Variants in WIPF3 observed in about 807,000 individuals in gnomAD.
The protein encoded by WIPF3 is WAS/WASL-interacting protein family member 3.
In WIPF3, 33 loss-of-function variants were observed where a neutral mutation model predicts 38.9. That is an observed-to-expected ratio of 0.85 (90% CI 0.64 to 1.14). The LOEUF (loss-of-function observed/expected upper bound fraction) is 1.14. Among genes scored for constraint, WIPF3 ranks in the 50% most tolerant of loss-of-function variants. WIPF3 has a pLI of 0.00. For synonymous variants in WIPF3, 324 were observed against 269.3 expected (o/e 1.20, Z -1.99); for missense variants, 711 against 652.5 (o/e 1.09, Z -0.98).
Position 29,879,065 on chromosome 7 carries a change from A to G in WIPF3, c.280A>G (p.Thr94Ala), listed in dbSNP as rs370263957. The G allele has an allele frequency of 1.2e-6, 2 of 1,610,068 alleles. No individual in the cohort carries two copies. The highest frequency in any genetic ancestry group is 2.7e-5 in the African/African-American group (2 of 74,902). ...GGSANTRGAS[T>A]PPTLGDLFAG... The stretch of plus-strand genomic sequence containing the variant: ...TTCTGCAAACACACGAGGCGCGAGC[A>G]CACCTCCCACCCTGGGAGATCTGTT... The change falls in exon 4 of 9, where the codon ACA (threonine) becomes GCA (alanine). Residue 94 changes from threonine to alanine, a missense_variant. Transcript: ENST00000242140.
At chr7:29,901,825 CAAAAAAA>C (rs869296187) in intron 7 of WIPF3, among the ~76,000 whole-genome samples, 1,194 of 82,500 alleles carry the variant, frequency 0.014, 16 homozygotes, top group East Asian at 0.065. Flanking sequence ...GTCCCTGTCT[CAAAAAAA>C]AAAAAAAAAA....
chr7:29,838,363 C>T (rs897535546), intron 2 of WIPF3, among the ~76,000 whole-genome samples: 2 of 152,138 alleles, frequency 1.3e-5, no homozygotes, highest in African/African-American at 4.8e-5. Context: ...ATTTTCTTGA[C>T]ATGGCTTCAC....
chr7:29,812,736 G>A (rs1341430913), intron 1 of WIPF3, among the ~76,000 whole-genome samples: 1 of 152,304 alleles, frequency 6.6e-6, no homozygotes. Flanking sequence ...CTGTGAGGAA[G>A]AAGAGGGAAT....
chr7:29,823,951 C>T lies in WIPF3; in HGVS notation c.-57-10717C>T, dbSNP rs1005219149. On this transcript the variant is annotated intron_variant, in intron 1 of 8. Coordinates refer to ENST00000242140, the MANE Select transcript of WIPF3 (RefSeq NM_001080529.3). This position sits in a 1 kb window ranked among gnomAD's most constrained non-coding sequence, Gnocchi z 4.0. The stretch of plus-strand genomic sequence containing the variant: ...CCTGCAGAACTGTGAGCCAATTAAA[C>T]CTCTTTTATTTATAAATTTCTCAGT... Among the ~76,000 whole-genome samples, 1 of 152,198 alleles carries T rather than the reference C, an allele frequency of 6.6e-6. No homozygotes were observed. Among genetic ancestry groups the T allele is most frequent in the African/African-American group, 2.4e-5 (1 of 41,430 alleles).
Position 29,823,540 on chromosome 7 carries a change from T to C in WIPF3, c.-57-11128T>C, listed in dbSNP as rs1054499544. Among the ~76,000 whole-genome samples the C allele has an allele frequency of 2.0e-5, 3 of 152,248 alleles. No homozygotes were observed. The highest frequency in any genetic ancestry group is 7.2e-5 in the African/African-American group (3 of 41,466). ...CCCAGTGTTCTGCTAACAAGGTTTGTCTCCATCTTTTGCGGGAGCCTGATT... is the reference window on the plus strand; with the variant it reads ...CCCAGTGTTCTGCTAACAAGGTTTGCCTCCATCTTTTGCGGGAGCCTGATT... On this transcript the variant is annotated intron_variant, in intron 1 of 8. Coordinates refer to ENST00000242140, the MANE Select transcript of WIPF3 (RefSeq NM_001080529.3). The surrounding 1 kb of genome is among the most constrained non-coding windows in gnomAD (Gnocchi z 4.0).
chr7:29,822,660 C>G (rs1784558300), intron 1 of WIPF3, among the ~76,000 whole-genome samples: 1 of 152,182 alleles, frequency 6.6e-6, no homozygotes, highest in South Asian at 2.1e-4. Flanking sequence ...AGGCTTACAG[C>G]CACAAATGTA....
intron 2 of WIPF3, among the ~76,000 whole-genome samples, chr7:29,853,859 G>T (rs1365516341): frequency 6.6e-6 from 1 of 152,204 alleles, no homozygotes; most frequent in Non-Finnish European, 1.5e-5. Flanking sequence ...GTGTGGTTGG[G>T]CATAGCGATG....
chr7:29,901,383 ATTTTTTTTTTTTTT>A (rs543723994), intron 7 of WIPF3, among the ~76,000 whole-genome samples: 6 of 122,220 alleles, frequency 4.9e-5, no homozygotes, highest in Non-Finnish European at 3.3e-5. Flanking sequence ...AGCAGCAGTG[ATTTTTTTTTTTTTT>A]TTTTTTTTTT....
chr7:29,889,465 C>A, intron 7 of WIPF3, 58 bp downstream of exon 7: 1 of 1,290,596 alleles, frequency 7.7e-7, no homozygotes, highest in Non-Finnish European at 1.1e-6. Flanking sequence ...ATTAGGTGCC[C>A]ACTGTGCATC....
At position 29,875,882 on chromosome 7, in the gene WIPF3, C is replaced by G. The variant is rs754655046; in HGVS notation, c.143C>G (p.Ala48Gly). 6.2e-7 allele frequency: 1 copy of G among 1,614,054 alleles called. No homozygotes were observed. Among genetic ancestry groups the G allele is most frequent in the Non-Finnish European group, 8.5e-7 (1 of 1,179,900 alleles). The change falls in exon 3 of 9, where the codon GCG becomes GGG. Residue 48 changes from alanine to glycine, a missense_variant. Transcript: ENST00000242140. ...AGGGCAGATCCGAAAGGCCGGAGTGCGCTGTTGGCTGATATCCAGCAAGGA... is the reference window on the plus strand; with the variant it reads ...AGGGCAGATCCGAAAGGCCGGAGTGGGCTGTTGGCTGATATCCAGCAAGGA... ...LRRADPKGRS[A>G]LLADIQQGTR...
Position 29,916,846 on chromosome 7 carries a change from G to A in WIPF3, c.*2330G>A, listed in dbSNP as rs980929937. ...TTCACAACCCTTCGAGCTCATGCTGGTGCACTGAGTCCCTTGGGCGCTGTA... is the reference window on the plus strand; with the variant it reads ...TTCACAACCCTTCGAGCTCATGCTGATGCACTGAGTCCCTTGGGCGCTGTA... On this transcript the variant is annotated 3_prime_UTR_variant, in exon 9 of 9. Coordinates refer to ENST00000242140, the MANE Select transcript of WIPF3 (RefSeq NM_001080529.3). 20 of 152,156 alleles carry A rather than the reference G, an allele frequency of 1.3e-4. No individual in the cohort carries two copies. Among genetic ancestry groups the A allele is most frequent in the African/African-American group, 4.8e-4 (20 of 41,420 alleles). 9.4% of individuals were successfully genotyped at this position (152,156 alleles called of 1,614,324 possible). A position where few individuals can be genotyped will look rare whatever the true frequency, so the allele number is the denominator to read the frequency against.
intron 8 of WIPF3, chr7:29,905,591 GCAGCTTGCATA>G (rs1342404927): frequency 6.6e-6 from 1 of 152,276 alleles, no homozygotes; most frequent in African/African-American, 2.4e-5. Context: ...TGTTCCTGGA[GCAGCTTGCATA>G]CAGCTTGCAG....
Position 29,884,474 on chromosome 7 carries a change from C to T in WIPF3, c.980C>T (p.Pro327Leu), listed in dbSNP as rs761159576. The T allele has an allele frequency of 1.3e-6, 2 of 1,563,992 alleles. No individual in the cohort carries two copies. The highest frequency in any genetic ancestry group is 1.4e-5 in the African/African-American group (1 of 73,116). The change falls in exon 5 of 9, where the codon CCC (proline) becomes CTC (leucine). Residue 327 changes from proline to leucine, a missense_variant. Transcript: ENST00000242140. Reference sequence around the variant, plus strand: ...AGCAGTGAAACTCCACCCCCGCTACCCCCTAAATCCCCCAGCTTCCAGGCC... The same window carrying T: ...AGCAGTGAAACTCCACCCCCGCTACTCCCTAAATCCCCCAGCTTCCAGGCC... Reference protein sequence around the residue: ...NSSSETPPPLPPKSPSFQAPP... With the variant: ...NSSSETPPPLLPKSPSFQAPP...
At chr7:29,816,974 T>C (rs1784466480) in intron 1 of WIPF3, among the ~76,000 whole-genome samples, 1 of 152,194 alleles carries the variant, frequency 6.6e-6, no homozygotes, top group Non-Finnish European at 1.5e-5. Context: ...AAATTTATAT[T>C]CCTACCAATA....
chr7:29,890,389 G>T (rs1468454313), intron 7 of WIPF3, among the ~76,000 whole-genome samples: 2 of 151,572 alleles, frequency 1.3e-5, no homozygotes, highest in African/African-American at 4.8e-5. Flanking sequence ...GAGAGAATGA[G>T]GTGATGAGGT....
chr7:29,807,074 C>T (rs1050022185), intron 1 of WIPF3, among the ~76,000 whole-genome samples: 1 of 152,082 alleles, frequency 6.6e-6, no homozygotes, highest in African/African-American at 2.4e-5. Flanking sequence ...CTCCGCTTCG[C>T]CCCCGGAACA....
In WIPF3 at chr7:29,834,830, C is replaced by G; in HGVS notation, c.90+16C>G. On this transcript the variant is annotated intron_variant, in intron 2 of 8. Transcript: ENST00000242140. The stretch of plus-strand genomic sequence containing the variant: ...AGCACCCCCGGTAAGACCTTTTTTT[C>G]TGATTGGTTTACTGTGGAGCATAAA... The G allele has an allele frequency of 3.1e-6, 4 of 1,305,384 alleles. No homozygotes were observed. In the South Asian group the frequency reaches 4.1e-5, roughly 13 times the overall value. The allele number at this position is 1,305,384 out of a possible 1,614,324, so 80.9% of individuals were successfully genotyped here.
Position 29,861,419 on chromosome 7 carries a change from T to A in WIPF3, c.91-14411T>A, listed in dbSNP as rs114122062. On this transcript the variant is annotated intron_variant, in intron 2 of 8. Coordinates refer to ENST00000242140, the MANE Select transcript of WIPF3 (RefSeq NM_001080529.3). Reference sequence around the variant, plus strand: ...AAGAAATGTAACTTTACAAGAGAGATTTTTCTTAAATACACAGGGCAAAGG... The same window carrying A: ...AAGAAATGTAACTTTACAAGAGAGAATTTTCTTAAATACACAGGGCAAAGG... 3.1e-3 allele frequency among the ~76,000 whole-genome samples: 478 copies of A among 152,234 alleles called. 3 individuals carry two copies. The highest frequency in any genetic ancestry group is 0.011 in the African/African-American group (473 of 41,548).
chr7:29,806,942 C>T (rs1033898435), intron 1 of WIPF3, among the ~76,000 whole-genome samples: 2 of 151,734 alleles, frequency 1.3e-5, no homozygotes, highest in African/African-American at 2.4e-5. Context: ...CGGAAACAAA[C>T]CGCGGGGTGG....
Sources: gnomAD v4.1 joint callset for allele counts (sites outside exome capture counted in the v4.1 genomes callset) on GRCh38, gnomAD v4.1.1 for gene constraint, Gnocchi (gnomAD v3.1) non-coding constraint, MANE v1.5 for transcripts, NCBI Gene and HGNC (gene_info 2026-07-23, HGNC 2026-07-21) for gene names.